MTUS2: variants seen among roughly 807,000 people sequenced by gnomAD.
MTUS2 encodes the protein microtubule associated scaffold protein 2.
In MTUS2, 40 loss-of-function variants were observed where a neutral mutation model predicts 114.1. The ratio of observed to expected loss-of-function variants is 0.35; its 90% CI spans 0.27 to 0.46. The LOEUF is 0.46. Ranked by LOEUF, MTUS2 falls within the 20% of genes least tolerant of loss-of-function variation. The pLI is 1.00. For synonymous variants in MTUS2, 688 were observed against 672.0 expected (o/e 1.02, Z -0.37); for missense variants, 1,679 against 1,705.4 (o/e 0.98, Z 0.27).
intron 8 of MTUS2, among the ~76,000 whole-genome samples, chr13:29,365,417 A>T (rs1870619525): frequency 6.6e-6 from 1 of 152,068 alleles, no homozygotes; most frequent in Non-Finnish European, 1.5e-5. Flanking sequence ...GTGCAATAAG[A>T]TGAGAACAGA....
At chr13:28,842,893 T>A (rs1017707333) in intron 2 of MTUS2, among the ~76,000 whole-genome samples, 2 of 152,172 alleles carry the variant, frequency 1.3e-5, no homozygotes, top group African/African-American at 4.8e-5. Context: ...CCAACACTCA[T>A]TATCTCAGTG....
At chr13:29,322,577 T>C (rs541839818) in intron 6 of MTUS2, among the ~76,000 whole-genome samples, 2 of 152,158 alleles carry the variant, frequency 1.3e-5, no homozygotes, top group African/African-American at 2.4e-5. Flanking sequence ...GAGGATAGAA[T>C]AGATTGTTGG....
intron 2 of MTUS2, among the ~76,000 whole-genome samples, chr13:28,909,538 TAA>T (rs1880269794): frequency 6.6e-6 from 1 of 152,120 alleles, no homozygotes; most frequent in Admixed American, 6.6e-5. Context: ...CTGAAAATAA[TAA>T]GAGTCATCTG....
intron 5 of MTUS2, among the ~76,000 whole-genome samples, chr13:29,228,888 C>G (rs1896215470): frequency 6.6e-6 from 1 of 152,124 alleles, no homozygotes; most frequent in Non-Finnish European, 1.5e-5. Context: ...TTGCATTCTT[C>G]TTGACCCATA....
At chr13:29,236,944 C>G (rs536894383) in intron 5 of MTUS2, among the ~76,000 whole-genome samples, 1 of 152,164 alleles carries the variant, frequency 6.6e-6, no homozygotes. Context: ...AGGAGAAAGA[C>G]AGGAAAATAA....
chr13:28,939,301 T>C (rs1183559230), intron 2 of MTUS2, among the ~76,000 whole-genome samples: 1 of 152,200 alleles, frequency 6.6e-6, no homozygotes, highest in Non-Finnish European at 1.5e-5. Flanking sequence ...AGAACGTTTT[T>C]AGTGTGGGAG....
At chr13:28,959,851 T>C (rs1325744194) in intron 2 of MTUS2, among the ~76,000 whole-genome samples, 1 of 152,214 alleles carries the variant, frequency 6.6e-6, no homozygotes, top group Non-Finnish European at 1.5e-5. Flanking sequence ...GTCCAAACCG[T>C]ATCACACCAC....
intron 1 of MTUS2, among the ~76,000 whole-genome samples, chr13:28,835,587 A>G (rs1041510122): frequency 6.6e-6 from 1 of 152,218 alleles, no homozygotes; most frequent in South Asian, 2.1e-4. Context: ...CGATGCTTGC[A>G]TGACCTTGCG....
chr13:28,944,043 G>GT (rs1023057509), intron 2 of MTUS2, among the ~76,000 whole-genome samples: 5 of 151,792 alleles, frequency 3.3e-5, no homozygotes, highest in African/African-American at 7.3e-5. Flanking sequence ...CAAGTCTGTG[G>GT]TTTTTTTAGA....
At chr13:29,274,183 G>A (rs978552015) in intron 5 of MTUS2, among the ~76,000 whole-genome samples, 20 of 151,696 alleles carry the variant, frequency 1.3e-4, no homozygotes, top group African/African-American at 4.1e-4. Flanking sequence ...TTGTGGTCTC[G>A]GCTTGCTGCC....
intron 4 of MTUS2, among the ~76,000 whole-genome samples, chr13:29,073,495 G>C (rs1214890476): frequency 6.6e-6 from 1 of 151,254 alleles, no homozygotes. Context: ...TAATTCCCAG[G>C]TTGTGTACAC....
chr13:29,236,619 C>T lies in MTUS2; in HGVS notation c.2645-45085C>T, dbSNP rs1006142812. 5.9e-5 allele frequency among the ~76,000 whole-genome samples: 9 copies of T among 152,284 alleles called. No homozygotes were observed. The East Asian group carries it at 7.7e-4, about 13-fold the overall frequency. ...GATAGTTACAGTACACGACCACCAA[C>T]GCTATGAGAAATGGAAACAGAAAGG... On this transcript the variant is annotated intron_variant, in intron 5 of 15. Coordinates refer to ENST00000612955, the MANE Select transcript of MTUS2 (RefSeq NM_001033602.4).
At chr13:29,326,152 G>A (rs1467337286) in intron 7 of MTUS2, among the ~76,000 whole-genome samples, 4 of 152,160 alleles carry the variant, frequency 2.6e-5, no homozygotes, top group South Asian at 4.1e-4. Context: ...CTCACCCTGC[G>A]GGAGACTGAC....
intron 8 of MTUS2, among the ~76,000 whole-genome samples, chr13:29,391,986 A>G (rs961587926): frequency 6.6e-6 from 1 of 151,822 alleles, no homozygotes; most frequent in Non-Finnish European, 1.5e-5. Flanking sequence ...AAAATTAGCC[A>G]GGTGTGGTGG....
At chr13:28,956,358 G>A (rs1224144529) in intron 2 of MTUS2, among the ~76,000 whole-genome samples, 1 of 152,110 alleles carries the variant, frequency 6.6e-6, no homozygotes, top group Non-Finnish European at 1.5e-5. Flanking sequence ...GCCACAGGTT[G>A]TAGATGGTGC....
intron 8 of MTUS2, among the ~76,000 whole-genome samples, chr13:29,367,484 G>A (rs1243652989): frequency 6.6e-6 from 1 of 152,192 alleles, no homozygotes. Context: ...GACAGCAGCT[G>A]CAGCGCTGTG....
chr13:29,186,974 C>A (rs956083462), intron 5 of MTUS2, among the ~76,000 whole-genome samples: 11 of 151,752 alleles, frequency 7.2e-5, no homozygotes, highest in African/African-American at 2.2e-4. Flanking sequence ...GGGAAATTTA[C>A]AAATATATAG....
intron 4 of MTUS2, among the ~76,000 whole-genome samples, chr13:29,052,421 C>T (rs1253762680): frequency 7.9e-6 from 1 of 127,280 alleles, no homozygotes; most frequent in African/African-American, 3.1e-5. Context: ...GCGGAGGTTG[C>T]AGTGAGCCGA....
rs1887710426 is a variant in MTUS2, at chr13:29,047,912, C to A, written c.2446+13787C>A. Reference sequence around the variant, plus strand: ...TCTGGAAGTTTCATATAAATGGAATCATATGCTTTAAGCCTTTTTGTGTCT... The same window carrying A: ...TCTGGAAGTTTCATATAAATGGAATAATATGCTTTAAGCCTTTTTGTGTCT... On this transcript the variant is annotated intron_variant, in intron 4 of 15. Coordinates refer to ENST00000612955, the MANE Select transcript of MTUS2 (RefSeq NM_001033602.4). Among the ~76,000 whole-genome samples the A allele has an allele frequency of 1.3e-5, 2 of 151,648 alleles. 1 individual carries two copies. The highest frequency in any genetic ancestry group is 4.2e-4 in the South Asian group (2 of 4,792).
Sources: gnomAD v4.1 joint callset for allele counts (sites outside exome capture counted in the v4.1 genomes callset) on GRCh38, gnomAD v4.1.1 for gene constraint, MANE v1.5 for transcripts, NCBI Gene and HGNC (gene_info 2026-07-23, HGNC 2026-07-21) for gene names.